VWA5B1: variants seen among roughly 807,000 people sequenced by gnomAD.
VWA5B1 encodes the protein von Willebrand factor A domain-containing protein 5B1.
In VWA5B1, 115 loss-of-function variants were observed where a neutral mutation model predicts 118.2. That is an observed-to-expected ratio of 0.97 (90% CI 0.84 to 1.14). The LOEUF (loss-of-function observed/expected upper bound fraction) is 1.14. VWA5B1 is among the 50% of genes most tolerant of loss of function. The pLI is 0.00. For missense variants in VWA5B1, 1,596 were observed against 1,603.8 expected, an observed-to-expected ratio of 1.00 and a Z score of 0.08; for synonymous variants, 682 against 658.4, an observed-to-expected ratio of 1.04 and a Z score of -0.55.
chr1:20,357,838 A>G lies in VWA5B1; in HGVS notation c.*3575A>G, dbSNP rs914494836. Among the ~76,000 whole-genome samples the G allele has an allele frequency of 6.6e-6, 1 of 152,042 alleles. No individual in the cohort carries two copies. Among genetic ancestry groups the G allele is most frequent in the East Asian group, 1.9e-4 (1 of 5,186 alleles). On this transcript the variant is annotated 3_prime_UTR_variant, in exon 22 of 22. Transcript: ENST00000289815. ...CCCCTGAGCTTTCAGGCTCTCATTT[A>G]TGGTATGGGTACAGATGACCACAAT...
Position 20,314,501 on chromosome 1 carries a change from G to C in VWA5B1, c.472G>C (p.Ala158Pro), listed in dbSNP as rs1403924064. The part of the protein sequence containing the change: ...SSELPTLPSG[A>P]VRVLLPAVCA... ...GGAGCTCCCAACGCTGCCCAGCGGG[G>C]CTGTGAGGGTCCTTCTGCCTGCTGT... The change falls in exon 4 of 22, where the codon GCT becomes CCT. Residue 158 changes from alanine (A) to proline (P), a missense_variant. By Grantham distance (27) the Ala-to-Pro change is conservative. Transcript: ENST00000289815. The C allele has an allele frequency of 5.2e-6, 8 of 1,551,646 alleles. No homozygotes were observed. Among genetic ancestry groups the C allele is most frequent in the Middle Eastern group, 1.7e-4 (1 of 6,018 alleles).
In VWA5B1 at chr1:20,343,185, C is replaced by G; in HGVS notation, c.2418C>G (p.Ala806=). The G allele has an allele frequency of 6.5e-7, 1 of 1,549,772 alleles. No homozygotes were observed. The highest frequency in any genetic ancestry group is 1.2e-5 in the South Asian group (1 of 84,028). ...RASPSRPATP[A]PVLGKALVKG... is the part of the protein sequence containing the mutation. ...GTCCCAGCAGGCCCGCCACCCCGGCCCCGGTGCTGGGCAAGGCCCTGGTCA... is the reference window on the plus strand; with the variant it reads ...GTCCCAGCAGGCCCGCCACCCCGGCGCCGGTGCTGGGCAAGGCCCTGGTCA... Residue 806 remains alanine, a synonymous_variant, in exon 16 of 22, where the codon GCC becomes GCG. Coordinates refer to ENST00000289815, the MANE Select transcript of VWA5B1 (RefSeq NM_001039500.3).
At chr1:20,339,862 T>C (rs1371414864) in intron 14 of VWA5B1, among the ~76,000 whole-genome samples, 1 of 152,176 alleles carries the variant, frequency 6.6e-6, no homozygotes, top group African/African-American at 2.4e-5. Context: ...CCCAGCTGCC[T>C]CATCTACAAA....
intron 1 of VWA5B1, among the ~76,000 whole-genome samples, chr1:20,293,389 G>A (rs893312004): frequency 6.6e-6 from 1 of 152,214 alleles, no homozygotes; most frequent in East Asian, 1.9e-4. Flanking sequence ...GGAGGGCAGT[G>A]GAAGAGGCAC....
intron 4 of VWA5B1, among the ~76,000 whole-genome samples, chr1:20,316,692 G>C (rs920673754): frequency 1.3e-5 from 2 of 152,192 alleles, no homozygotes; most frequent in Non-Finnish European, 2.9e-5. Flanking sequence ...TGGCTAAGCC[G>C]TTGCTCCTGG....
At chr1:20,292,280 C>T (rs1258208122) in intron 1 of VWA5B1, among the ~76,000 whole-genome samples, 1 of 151,950 alleles carries the variant, frequency 6.6e-6, no homozygotes, top group Non-Finnish European at 1.5e-5. Flanking sequence ...CTGTCTAAAC[C>T]CAGCCAGCTC....
chr1:20,302,333 C>A (rs1001997673), intron 1 of VWA5B1, among the ~76,000 whole-genome samples: 3 of 152,230 alleles, frequency 2.0e-5, no homozygotes, highest in African/African-American at 7.2e-5. Flanking sequence ...TTGTTAGATT[C>A]TTCAGACGAA....
intron 14 of VWA5B1, among the ~76,000 whole-genome samples, chr1:20,341,600 G>A (rs909311264): frequency 6.6e-6 from 1 of 152,134 alleles, no homozygotes; most frequent in East Asian, 1.9e-4. Flanking sequence ...TGCTATAAAC[G>A]GCCTGCAAAT....
chr1:20,310,868 TA>T, intron 2 of VWA5B1, 128 bp downstream of exon 2: 1 of 1,305,146 alleles, frequency 7.7e-7, no homozygotes, highest in Non-Finnish European at 1.0e-6. Flanking sequence ...TCCTCATCTA[TA>T]AAATGGTGAG....
intron 7 of VWA5B1, among the ~76,000 whole-genome samples, chr1:20,322,296 C>G (rs2089243310): frequency 6.6e-6 from 1 of 152,032 alleles, no homozygotes; most frequent in Non-Finnish European, 1.5e-5. Context: ...GAAACAGACA[C>G]AGAGACACGT....
chr1:20,319,249 G>A (rs2089127715), intron 6 of VWA5B1, 133 bp from the exon 7 acceptor site: 1 of 1,330,778 alleles, frequency 7.5e-7, no homozygotes, highest in Non-Finnish European at 1.0e-6. Context: ...ACTGCTTCAG[G>A]CAGCCAGGGC....
At chr1:20,318,858 G>C in intron 6 of VWA5B1, 137 bp downstream of exon 6, 1 of 1,321,050 alleles carries the variant, frequency 7.6e-7, no homozygotes, top group Non-Finnish European at 9.9e-7. Context: ...TGTGGCCAAG[G>C]AGAGGAGACC....
rs76145019 is a variant in VWA5B1 at position 20,332,682 on chromosome 1, C to A, written c.1573-84C>A. 7.2e-4 allele frequency: 1,042 copies of A among 1,438,986 alleles called. 8 individuals are homozygous for A. In the African/African-American group the frequency reaches 0.012, roughly 16 times the overall value. The allele number at this position is 1,438,986 out of a possible 1,614,324, so 89.1% of individuals were successfully genotyped here. On this transcript the variant is annotated intron_variant, in intron 11 of 21. Coordinates refer to ENST00000289815, the MANE Select transcript of VWA5B1 (RefSeq NM_001039500.3). ...CTGTCCCCTCTTCCCTGCTCCCACT[C>A]CCCACTAAGCTGATACTTACATGAT...
At chr1:20,291,348 T>C (rs1429939665) in intron 1 of VWA5B1, among the ~76,000 whole-genome samples, 5 of 123,556 alleles carry the variant, frequency 4.0e-5, no homozygotes, top group Non-Finnish European at 7.8e-5. Flanking sequence ...TCTCTTTCTT[T>C]CTTTCTTTCT....
chr1:20,352,472 T>C (rs1327380452), intron 21 of VWA5B1, among the ~76,000 whole-genome samples: 2 of 152,252 alleles, frequency 1.3e-5, no homozygotes, highest in Non-Finnish European at 2.9e-5. Context: ...GTGGGAATTT[T>C]GCATTCTACT....
chr1:20,322,836 G>T (rs927764924), intron 7 of VWA5B1, among the ~76,000 whole-genome samples: 11 of 152,208 alleles, frequency 7.2e-5, no homozygotes, highest in African/African-American at 2.7e-4. Context: ...CCTGGAAATT[G>T]GGGAAGCCTT....
At chr1:20,339,443 G>C (rs1018550717) in intron 14 of VWA5B1, among the ~76,000 whole-genome samples, 1 of 152,160 alleles carries the variant, frequency 6.6e-6, no homozygotes, top group Non-Finnish European at 1.5e-5. Flanking sequence ...TCGGGAGGCT[G>C]AGGCAGGAGG....
chr1:20,350,297 A>G, intron 19 of VWA5B1, 67 bp downstream of exon 19: 1 of 1,525,536 alleles, frequency 6.6e-7, no homozygotes. Context: ...GGGTCAGGAG[A>G]GTATCTTAGC....
intron 4 of VWA5B1, 34 bp from the exon 5 acceptor site, chr1:20,317,496 C>A (rs777326388): frequency 1.9e-6 from 3 of 1,547,784 alleles, no homozygotes; most frequent in South Asian, 1.2e-5. Context: ...TCCACCCTGG[C>A]TGGTCTCCTT....
Sources: allele counts gnomAD v4.1 joint callset (sites outside exome capture counted in the v4.1 genomes callset), GRCh38; gene constraint gnomAD v4.1.1; transcripts MANE v1.5; gene names NCBI Gene and HGNC (gene_info 2026-07-23, HGNC 2026-07-21).